Variants in PRKD3 observed in about 807,000 individuals in gnomAD.
PRKD3 encodes the protein serine/threonine-protein kinase D3.
PRKD3 carries 47 observed loss-of-function variants against 99.2 expected under a neutral mutation model. The observed-to-expected ratio is 0.47, with a 90% CI of 0.38 to 0.60. PRKD3 has a LOEUF of 0.60. PRKD3 is among the 20% of genes least tolerant of loss of function. The pLI is 0.00. For missense variants in PRKD3, 1,019 were observed against 1,088.4 expected, an observed-to-expected ratio of 0.94 and a Z score of 0.90; for synonymous variants, 392 against 355.4, an observed-to-expected ratio of 1.10 and a Z score of -1.16.
intron 4 of PRKD3, among the ~76,000 whole-genome samples, chr2:37,289,871 C>G (rs932772318): frequency 6.6e-6 from 1 of 152,208 alleles, no homozygotes; most frequent in Admixed American, 6.5e-5. Flanking sequence ...AGTTTGAGAA[C>G]CACTGCCTTA....
chr2:37,255,150 GATA>G (rs1465701160), intron 17 of PRKD3, among the ~76,000 whole-genome samples: 4 of 152,312 alleles, frequency 2.6e-5, no homozygotes, highest in African/African-American at 9.6e-5. Flanking sequence ...GGAGGTCTGA[GATA>G]ACACTGGTTA....
intron 2 of PRKD3, among the ~76,000 whole-genome samples, chr2:37,310,607 T>C (rs1671382318): frequency 6.6e-6 from 1 of 152,186 alleles, no homozygotes; most frequent in African/African-American, 2.4e-5. Flanking sequence ...TAAAGCTTAG[T>C]TTTATAGTGG....
intron 3 of PRKD3, among the ~76,000 whole-genome samples, chr2:37,292,156 C>T (rs1376147088): frequency 6.6e-6 from 1 of 151,972 alleles, no homozygotes; most frequent in Non-Finnish European, 1.5e-5. Flanking sequence ...TCCTGATTCT[C>T]TTTTCTAAAC....
At chr2:37,265,931 CAAG>C (rs1668806427) in intron 14 of PRKD3, among the ~76,000 whole-genome samples, 1 of 152,138 alleles carries the variant, frequency 6.6e-6, no homozygotes, top group Non-Finnish European at 1.5e-5. Flanking sequence ...TGTTTGTGAT[CAAG>C]AAGAAATCAA....
At chr2:37,301,877 C>T (rs942814289) in intron 2 of PRKD3, among the ~76,000 whole-genome samples, 10 of 152,132 alleles carry the variant, frequency 6.6e-5, no homozygotes, top group Non-Finnish European at 1.0e-4. Flanking sequence ...ATGATTTTGC[C>T]CACAGAAGCT....
chr2:37,316,116 C>G (rs1671643549), intron 2 of PRKD3, 121 bp downstream of exon 2: 3 of 1,104,162 alleles, frequency 2.7e-6, no homozygotes, highest in Non-Finnish European at 2.6e-6. Context: ...AGAACTCTTC[C>G]AAAAATGCAC....
chr2:37,283,333 G>T (rs1669942027), intron 6 of PRKD3, among the ~76,000 whole-genome samples: 1 of 139,602 alleles, frequency 7.2e-6, no homozygotes, highest in African/African-American at 2.9e-5. Flanking sequence ...AAGTCATACT[G>T]AAGTTGAGAC....
At chr2:37,257,285 A>G (rs959291378) in intron 16 of PRKD3, among the ~76,000 whole-genome samples, 1 of 152,144 alleles carries the variant, frequency 6.6e-6, no homozygotes, top group Non-Finnish European at 1.5e-5. Flanking sequence ...ATCATCTGTG[A>G]GCAGGAATTG....
intron 1 of PRKD3, among the ~76,000 whole-genome samples, chr2:37,322,299 T>A (rs4610034): frequency 0.051 from 7,739 of 152,282 alleles, 736 homozygotes; most frequent in East Asian, 0.35. Context: ...AAAAATCATA[T>A]CTTGTAGCAA....
In PRKD3 at chr2:37,250,783, T is replaced by A. The variant is rs1199662241; in HGVS notation, c.*2394A>T. On this transcript the variant is annotated 3_prime_UTR_variant, in exon 19 of 19. Transcript: ENST00000234179. ...AAAGTTGGATATAACCAAAAAAATA[T>A]TAAAAATGTACTGAACAGTCATTAT... The A allele has an allele frequency of 1.3e-5, 2 of 152,524 alleles. No individual in the cohort carries two copies. The highest frequency in any genetic ancestry group is 4.8e-5 in the African/African-American group (2 of 41,402). The allele number at this position is 152,524 out of a possible 1,614,324, so 9.4% of individuals were successfully genotyped here.
intron 10 of PRKD3, among the ~76,000 whole-genome samples, chr2:37,275,434 C>T (rs1231106656): frequency 6.6e-6 from 1 of 152,076 alleles, no homozygotes; most frequent in African/African-American, 2.4e-5. Flanking sequence ...TACTAAATAC[C>T]TCACTGACCT....
Position 37,254,106 on chromosome 2 carries a change from A to C in PRKD3, c.2499+98T>G, listed in dbSNP as rs981061275. 9.3e-6 allele frequency: 8 copies of C among 864,034 alleles called. No individual in the cohort carries two copies. In the East Asian group the frequency reaches 2.0e-4, roughly 21 times the overall value. The allele number at this position is 864,034 out of a possible 1,614,324, so 53.5% of individuals were successfully genotyped here. Reference sequence around the variant, plus strand: ...AAATTAATCACTTAAGAGCACTTTTATTATTCTGCTGATCTTAGAGTGGTC... The same window carrying C: ...AAATTAATCACTTAAGAGCACTTTTCTTATTCTGCTGATCTTAGAGTGGTC... On this transcript the variant is annotated intron_variant, in intron 18 of 18. Coordinates refer to ENST00000234179, the MANE Select transcript of PRKD3 (RefSeq NM_005813.6).
chr2:37,318,081 C>T (rs1251159877), intron 1 of PRKD3, among the ~76,000 whole-genome samples: 3 of 151,886 alleles, frequency 2.0e-5, no homozygotes, highest in African/African-American at 7.3e-5. Context: ...ATAAATAATT[C>T]CAATGAAGAG....
chr2:37,316,699 G>A lies in PRKD3; in HGVS notation c.-175C>T. On this transcript the variant is annotated 5_prime_UTR_variant, in exon 2 of 19. Coordinates refer to ENST00000234179, the MANE Select transcript of PRKD3 (RefSeq NM_005813.6). ...TACTTTTAAGTTTTATCAAGGAGTT[G>A]AATGCCCCAAAGGTCCTATTTCTCT... 4 of 1,429,118 alleles carry A rather than the reference G, an allele frequency of 2.8e-6. No individual in the cohort carries two copies. Among genetic ancestry groups the A allele is most frequent in the Non-Finnish European group, 2.7e-6 (3 of 1,098,664 alleles). 88.5% of individuals were successfully genotyped at this position (1,429,118 alleles called of 1,614,324 possible).
chr2:37,252,847 T>TTATATTTATATATATA lies in PRKD3; in HGVS notation c.*329_*330insTATATATATAAATATA, dbSNP rs1553362997. 6.9e-6 allele frequency: 1 copy of TTATATTTATATATATA among 145,014 alleles called. No individual in the cohort carries two copies. The highest frequency in any genetic ancestry group is 1.5e-5 in the Non-Finnish European group (1 of 66,512). 9.0% of individuals were successfully genotyped at this position (145,014 alleles called of 1,614,324 possible). A position where few individuals can be genotyped will look rare whatever the true frequency, so the allele number is the denominator to read the frequency against. On this transcript the variant is annotated 3_prime_UTR_variant, in exon 19 of 19. Transcript: ENST00000234179. ...AAAACAAACAAACATATATTTATAT[T>TTATATTTATATATATA]TATATATATATATATAAAGAGAAAT...
chr2:37,284,552 C>A (rs943523132), intron 6 of PRKD3, among the ~76,000 whole-genome samples: 4 of 152,124 alleles, frequency 2.6e-5, no homozygotes, highest in Non-Finnish European at 5.9e-5. Flanking sequence ...ACATCTGTTA[C>A]TAATGTTCTT....
intron 2 of PRKD3, among the ~76,000 whole-genome samples, chr2:37,312,893 C>T (rs538606780): frequency 2.0e-5 from 3 of 152,248 alleles, no homozygotes; most frequent in East Asian, 1.9e-4. Flanking sequence ...TAGGAGCAAT[C>T]GTTCACTATT....
chr2:37,271,514 A>G (rs1669262575), intron 12 of PRKD3, among the ~76,000 whole-genome samples: 1 of 152,184 alleles, frequency 6.6e-6, no homozygotes, highest in Non-Finnish European at 1.5e-5. Flanking sequence ...AGGGGTCCCC[A>G]AGCCCCAGGC....
intron 16 of PRKD3, among the ~76,000 whole-genome samples, chr2:37,257,783 G>C (rs976485787): frequency 1.3e-5 from 2 of 151,516 alleles, no homozygotes; most frequent in African/African-American, 2.4e-5. Flanking sequence ...AAATAAAACT[G>C]AGGTGTATTA....
Sources: allele counts gnomAD v4.1 joint callset (sites outside exome capture counted in the v4.1 genomes callset), GRCh38; gene constraint gnomAD v4.1.1; transcripts MANE v1.5; gene names NCBI Gene and HGNC (gene_info 2026-07-23, HGNC 2026-07-21).